The following MSI2 variants were observed in gnomAD, a reference collection of about 807,000 sequenced individuals.
MSI2 encodes musashi RNA binding protein 2, also known as RNA-binding protein Musashi homolog 2.
MSI2 carries 17 observed loss-of-function variants against 45.6 expected under a neutral mutation model. The observed-to-expected ratio is 0.37, with a 90% confidence interval of 0.26 to 0.56. MSI2 has a LOEUF of 0.56. Ranked by LOEUF, MSI2 falls within the 20% of genes least tolerant of loss-of-function variation. MSI2 has a pLI of 0.77. For synonymous variants in MSI2, 156 were observed against 158.2 expected, an observed-to-expected ratio of 0.99 and a Z score of 0.11; for missense variants, 293 against 444.2, an observed-to-expected ratio of 0.66 and a Z score of 3.06.
At chr17:57,265,512 G>A (rs1234475850) in intron 5 of MSI2, 1 of 152,180 alleles carries the variant, frequency 6.6e-6, no homozygotes, top group Non-Finnish European at 1.5e-5. Flanking sequence ...ATTCTCTAAT[G>A]TATCATATAA....
rs967733558 is a variant in MSI2, at chr17:57,596,778, G to A, written c.455-90G>A. 1.4e-5 allele frequency: 12 copies of A among 858,378 alleles called. No individual in the cohort carries two copies. The highest frequency in any genetic ancestry group is 2.2e-5 in the Non-Finnish European group (11 of 507,822). 53.2% of individuals were successfully genotyped at this position (858,378 alleles called of 1,614,324 possible). Reference sequence around the variant, plus strand: ...TACCCCCAGACCAGGAGGCTGTCAAGACCTCAGGACGTCAGAGAAAAACCT... The same window carrying A: ...TACCCCCAGACCAGGAGGCTGTCAAAACCTCAGGACGTCAGAGAAAAACCT... On this transcript the variant is annotated intron_variant, in intron 7 of 13. Transcript: ENST00000284073. This position sits in a 1 kb window ranked among gnomAD's most constrained non-coding sequence, Gnocchi z 4.6.
At chr17:57,385,853 A>G (rs947430923) in intron 5 of MSI2, among the ~76,000 whole-genome samples, 4 of 152,166 alleles carry the variant, frequency 2.6e-5, no homozygotes, top group Non-Finnish European at 5.9e-5. Flanking sequence ...CCATTTTATT[A>G]CACCTGTCTC....
chr17:57,690,920 T>C, the MSI2 span, among the ~76,000 whole-genome samples: 11 of 152,218 alleles, frequency 7.2e-5, no homozygotes, highest in Admixed American at 2.6e-4. Context: ...GCATTTTGCA[T>C]GCGACCTAAG....
At chr17:57,355,736 C>A (rs1444465890) in intron 5 of MSI2, among the ~76,000 whole-genome samples, 1 of 152,240 alleles carries the variant, frequency 6.6e-6, no homozygotes, top group Non-Finnish European at 1.5e-5. Context: ...GTTCCAGACT[C>A]TGGCTCACCT....
chr17:57,544,194 A>G (rs1298459222), intron 7 of MSI2, among the ~76,000 whole-genome samples: 1 of 152,190 alleles, frequency 6.6e-6, no homozygotes, highest in African/African-American at 2.4e-5. Flanking sequence ...GGTTTCAGAA[A>G]GTAAACTGGA....
At chr17:57,472,110 G>A (rs1014178591) in intron 6 of MSI2, among the ~76,000 whole-genome samples, 8 of 152,178 alleles carry the variant, frequency 5.3e-5, no homozygotes, top group African/African-American at 1.4e-4. Flanking sequence ...AGTTGCTGCC[G>A]GTTCCTGCCT....
At chr17:57,398,581 G>A (rs147965069) in intron 5 of MSI2, among the ~76,000 whole-genome samples, 8 of 152,080 alleles carry the variant, frequency 5.3e-5, no homozygotes, top group African/African-American at 1.9e-4. Context: ...TTTTCGCTGC[G>A]TGTTTGGTTC....
intron 7 of MSI2, among the ~76,000 whole-genome samples, chr17:57,583,025 A>C (rs1005199725): frequency 6.6e-6 from 1 of 152,204 alleles, no homozygotes; most frequent in Non-Finnish European, 1.5e-5. Context: ...ACTTGGCTGC[A>C]ACTTGTCCCA....
chr17:57,439,852 G>T (rs1409746873), intron 6 of MSI2, among the ~76,000 whole-genome samples: 1 of 152,184 alleles, frequency 6.6e-6, no homozygotes, highest in Non-Finnish European at 1.5e-5. Context: ...GAAGTCTTGG[G>T]ATAGTGTGTG....
intron 6 of MSI2, among the ~76,000 whole-genome samples, chr17:57,457,550 G>C (rs1430134304): frequency 6.6e-6 from 1 of 151,998 alleles, no homozygotes; most frequent in Non-Finnish European, 1.5e-5. Context: ...TCTCCTAGAA[G>C]ACCCTATGTC....
chr17:57,286,844 C>T (rs1343663967), intron 5 of MSI2, among the ~76,000 whole-genome samples: 1 of 152,008 alleles, frequency 6.6e-6, no homozygotes, highest in Non-Finnish European at 1.5e-5. Context: ...TGTGTTCTTC[C>T]AGGAGAGAGC....
intron 5 of MSI2, chr17:57,285,777 CATT>C (rs1318311236): frequency 2.6e-5 from 32 of 1,251,982 alleles, no homozygotes; most frequent in Non-Finnish European, 3.0e-5. Context: ...TAGCAAGCAT[CATT>C]ATATTTTTAG....
chr17:57,695,114 A>G, the MSI2 span, among the ~76,000 whole-genome samples: 1 of 152,334 alleles, frequency 6.6e-6, no homozygotes, highest in Non-Finnish European at 1.5e-5. Context: ...CACTTAACCA[A>G]TGAGATAACC....
At chr17:57,298,032 T>C (rs1274026833) in intron 5 of MSI2, among the ~76,000 whole-genome samples, 2 of 151,898 alleles carry the variant, frequency 1.3e-5, no homozygotes, top group Non-Finnish European at 2.9e-5. Flanking sequence ...AAACTTCTGT[T>C]AATGCTGATT....
intron 5 of MSI2, among the ~76,000 whole-genome samples, chr17:57,309,086 G>C (rs1343535785): frequency 1.3e-5 from 2 of 152,190 alleles, no homozygotes; most frequent in African/African-American, 4.8e-5. Context: ...AGTCTTCTTT[G>C]TAGTCTCAAC....
chr17:57,473,619 G>T (rs916602429), intron 6 of MSI2, among the ~76,000 whole-genome samples: 3 of 152,228 alleles, frequency 2.0e-5, no homozygotes, highest in Non-Finnish European at 4.4e-5. Flanking sequence ...TGTGGGGAGG[G>T]TATGGGCAGA....
intron 10 of MSI2, chr17:57,632,838 A>G (rs1407514151): frequency 6.6e-6 from 7 of 1,064,642 alleles, no homozygotes; most frequent in Non-Finnish European, 8.0e-6. Flanking sequence ...ATACATTTGA[A>G]TGTCATTGTC....
intron 7 of MSI2, among the ~76,000 whole-genome samples, chr17:57,536,240 T>A (rs2086917091): frequency 6.6e-6 from 1 of 152,236 alleles, no homozygotes; most frequent in Admixed American, 6.5e-5. Context: ...ATTCTGACTT[T>A]ATTTACCTAG....
chr17:57,565,395 C>T (rs775336330), intron 7 of MSI2, among the ~76,000 whole-genome samples: 3 of 152,222 alleles, frequency 2.0e-5, no homozygotes, highest in Non-Finnish European at 4.4e-5. Flanking sequence ...TCAGTGCTCC[C>T]GGAGGCTTCC....
Sources: gnomAD v4.1 joint callset for allele counts (sites outside exome capture counted in the v4.1 genomes callset) on GRCh38, gnomAD v4.1.1 for gene constraint, Gnocchi (gnomAD v3.1) non-coding constraint, MANE v1.5 for transcripts, NCBI Gene and HGNC (gene_info 2026-07-23, HGNC 2026-07-21) for gene names.